The following CTNND2 variants were observed in gnomAD, a reference collection of about 807,000 sequenced individuals.
CTNND2 encodes catenin delta-2.
CTNND2 carries 22 observed loss-of-function variants against 144.4 expected under a neutral mutation model. The ratio of observed to expected loss-of-function variants is 0.15; its 90% CI spans 0.11 to 0.22. The LOEUF (loss-of-function observed/expected upper bound fraction) is 0.22. CTNND2 is among the 10% of genes least tolerant of loss of function. The pLI, the probability that CTNND2 is intolerant of heterozygous loss-of-function variation, is 1.00. For synonymous variants in CTNND2, 751 were observed against 695.6 expected, an observed-to-expected ratio of 1.08 and a Z score of -1.25; for missense variants, 1,353 against 1,618.8, an observed-to-expected ratio of 0.84 and a Z score of 2.82.
At chr5:11,684,036 G>A (rs914927911) in intron 2 of CTNND2, among the ~76,000 whole-genome samples, 5 of 152,052 alleles carry the variant, frequency 3.3e-5, no homozygotes, top group Admixed American at 6.5e-5. Context: ...TTATGATGTC[G>A]ATCCACTTTT....
chr5:11,787,232 A>G (rs570092398), intron 1 of CTNND2, among the ~76,000 whole-genome samples: 2 of 152,380 alleles, frequency 1.3e-5, no homozygotes, highest in South Asian at 4.1e-4. Context: ...ACTAGAGCTA[A>G]GCAAAACTGT....
At chr5:11,494,205 G>A (rs1769720171) in intron 3 of CTNND2, among the ~76,000 whole-genome samples, 1 of 152,164 alleles carries the variant, frequency 6.6e-6, no homozygotes, top group African/African-American at 2.4e-5. Flanking sequence ...TACAATCACT[G>A]CTAATAGATT....
intron 3 of CTNND2, among the ~76,000 whole-genome samples, chr5:11,452,612 G>C (rs1218345536): frequency 3.9e-5 from 6 of 152,138 alleles, no homozygotes; most frequent in African/African-American, 1.4e-4. Flanking sequence ...AATACAGATA[G>C]ATGCTGAGTG....
chr5:11,624,284 A>G (rs889196913), intron 2 of CTNND2, among the ~76,000 whole-genome samples: 2 of 152,118 alleles, frequency 1.3e-5, no homozygotes, highest in African/African-American at 4.8e-5. Context: ...GTCTTGACCA[A>G]TACTGAACAG....
chr5:11,158,363 GT>G (rs1758425279), intron 12 of CTNND2, among the ~76,000 whole-genome samples: 1 of 152,198 alleles, frequency 6.6e-6, no homozygotes, highest in Admixed American at 6.5e-5. Flanking sequence ...AATTTAAGGG[GT>G]TATGAAATGG....
intron 1 of CTNND2, among the ~76,000 whole-genome samples, chr5:11,830,776 G>A (rs1030189680): frequency 6.6e-6 from 1 of 152,118 alleles, no homozygotes; most frequent in Non-Finnish European, 1.5e-5. Flanking sequence ...AGAGCACCCG[G>A]ACTCCTTACG....
At chr5:11,509,721 G>T (rs1186846934) in intron 3 of CTNND2, among the ~76,000 whole-genome samples, 1 of 152,044 alleles carries the variant, frequency 6.6e-6, no homozygotes, top group Admixed American at 6.6e-5. Flanking sequence ...CTTAAAACTG[G>T]ATCTAGTCTC....
chr5:11,865,440 G>T (rs1488431509), intron 1 of CTNND2, among the ~76,000 whole-genome samples: 1 of 151,996 alleles, frequency 6.6e-6, no homozygotes, highest in Non-Finnish European at 1.5e-5. Flanking sequence ...GAAGGGAAAA[G>T]AGAAAAAGGA....
chr5:11,795,335 G>A (rs908930177), intron 1 of CTNND2, among the ~76,000 whole-genome samples: 4 of 152,286 alleles, frequency 2.6e-5, no homozygotes, highest in South Asian at 4.1e-4. Flanking sequence ...GATACAAACC[G>A]CAGGGAAGGA....
intron 20 of CTNND2, among the ~76,000 whole-genome samples, chr5:10,984,149 T>G (rs527529768): frequency 6.6e-6 from 1 of 152,272 alleles, no homozygotes; most frequent in South Asian, 2.1e-4. Flanking sequence ...TGTTATACTG[T>G]TTACCTTATG....
intron 8 of CTNND2, among the ~76,000 whole-genome samples, chr5:11,362,483 C>T (rs933307260): frequency 2.0e-5 from 3 of 152,134 alleles, no homozygotes; most frequent in East Asian, 1.9e-4. Flanking sequence ...ACAGAGTTTG[C>T]GGCTTTATGC....
At chr5:11,122,385 C>T (rs1341651729) in intron 12 of CTNND2, among the ~76,000 whole-genome samples, 4 of 152,132 alleles carry the variant, frequency 2.6e-5, no homozygotes, top group African/African-American at 2.4e-5. Flanking sequence ...GTTTCTCACC[C>T]GTCTACAACC....
intron 15 of CTNND2, among the ~76,000 whole-genome samples, chr5:11,091,646 T>G (rs11959847): frequency 0.026 from 4,032 of 152,258 alleles, 194 homozygotes; most frequent in African/African-American, 0.092. Context: ...GGGTCTAATT[T>G]AAGATTTGAT....
rs1186702777 is a variant in CTNND2 at position 11,346,550 on chromosome 5, C to T, written c.1450G>A (p.Ala484Thr). The change falls in exon 9 of 22, where the codon GCC (alanine) becomes ACC (threonine). Residue 484 changes from alanine to threonine, a missense_variant. Transcript: ENST00000304623. ...GCATAGCTGGCCCTCTGGAAGGTGG[C>T]CGCGGCGGCATTCTGTGGGCCGTGC... ...SQHGPQNAAA[A>T]TFQRASYAAG... The T allele has an allele frequency of 1.9e-6, 3 of 1,603,562 alleles. No homozygotes were observed. Among genetic ancestry groups the T allele is most frequent in the Non-Finnish European group, 1.7e-6 (2 of 1,175,256 alleles).
chr5:11,477,024 T>C (rs1264311897), intron 3 of CTNND2, among the ~76,000 whole-genome samples: 2 of 152,152 alleles, frequency 1.3e-5, no homozygotes, highest in Admixed American at 6.5e-5. Context: ...AAGAAAATAA[T>C]AGGCTCTCAG....
At chr5:11,456,949 C>A (rs573409853) in intron 3 of CTNND2, among the ~76,000 whole-genome samples, 4 of 152,258 alleles carry the variant, frequency 2.6e-5, no homozygotes, top group African/African-American at 9.6e-5. Flanking sequence ...CATAATTGTA[C>A]TAAATTGTCT....
chr5:11,748,648 A>G (rs921501990), intron 1 of CTNND2, among the ~76,000 whole-genome samples: 12 of 152,086 alleles, frequency 7.9e-5, no homozygotes, highest in African/African-American at 2.9e-4. Context: ...TTTTCTCCAA[A>G]TAAGACTCTC....
chr5:11,784,280 G>C (rs1350203583), intron 1 of CTNND2, among the ~76,000 whole-genome samples: 1 of 152,154 alleles, frequency 6.6e-6, no homozygotes, highest in Non-Finnish European at 1.5e-5. Context: ...AATGAAAAAA[G>C]GTAACGTTTT....
chr5:11,585,978 TCTTGGGAGG>T (rs1047448432), intron 2 of CTNND2, among the ~76,000 whole-genome samples: 4 of 152,040 alleles, frequency 2.6e-5, no homozygotes, highest in African/African-American at 9.7e-5. Context: ...GGAGGAAACA[TCTTGGGAGG>T]CGTGGGAGGG....
Sources: allele counts gnomAD v4.1 joint callset (sites outside exome capture counted in the v4.1 genomes callset), GRCh38; gene constraint gnomAD v4.1.1; transcripts MANE v1.5; gene names NCBI Gene and HGNC (gene_info 2026-07-23, HGNC 2026-07-21).